PDZRN3: variants seen among roughly 807,000 people sequenced by gnomAD.
PDZRN3 encodes the protein E3 ubiquitin-protein ligase PDZRN3.
PDZRN3 carries 38 observed loss-of-function variants against 85.7 expected under a neutral mutation model. The ratio of observed to expected loss-of-function variants is 0.44; its 90% CI spans 0.34 to 0.58. The LOEUF (loss-of-function observed/expected upper bound fraction) is 0.58, where lower values mean the gene tolerates loss of function less well. Among genes scored for constraint, PDZRN3 ranks in the 20% least tolerant of loss-of-function variants. The probability of loss-of-function intolerance (pLI) is 0.01; values close to 1 mark genes in which losing one functional copy is unlikely to be tolerated. For missense variants in PDZRN3, 1,629 were observed against 1,506.4 expected (o/e 1.08, Z -1.35); for synonymous variants, 759 against 638.0 (o/e 1.19, Z -2.86).
At chr3:73,534,577 T>C (rs1435257079) in intron 3 of PDZRN3, among the ~76,000 whole-genome samples, 2 of 152,220 alleles carry the variant, frequency 1.3e-5, no homozygotes, top group African/African-American at 2.4e-5. Flanking sequence ...TGGGAACTAA[T>C]GACCAGATCT....
intron 3 of PDZRN3, among the ~76,000 whole-genome samples, chr3:73,410,976 G>C (rs11128336): frequency 0.59 from 89,734 of 152,102 alleles, 27,185 homozygotes; most frequent in East Asian, 0.86. Context: ...CCAATGGCAA[G>C]TACTTGGCAA....
chr3:73,410,093 C>CTAAT (rs1159203345), intron 3 of PDZRN3, among the ~76,000 whole-genome samples: 2 of 152,072 alleles, frequency 1.3e-5, no homozygotes, highest in African/African-American at 2.4e-5. Context: ...TGTTTTCAAA[C>CTAAT]TAATTAAAAC....
rs115399102 is a variant in PDZRN3 at position 73,442,458 on chromosome 3, C to T, written c.919-38063G>A. ...GATTCAGAACTGGCGCTACAGGGCA[C>T]GTGAACGTGACACCAATTGTGTTAT... On this transcript the variant is annotated intron_variant, in intron 3 of 9. Coordinates refer to ENST00000263666, the MANE Select transcript of PDZRN3 (RefSeq NM_015009.3). Among the ~76,000 whole-genome samples, 680 of 152,198 alleles carry T rather than the reference C, an allele frequency of 4.5e-3. 7 individuals are homozygous for T. Among genetic ancestry groups the T allele is most frequent in the African/African-American group, 0.016 (654 of 41,534 alleles).
At position 73,384,107 on chromosome 3, in the gene PDZRN3, G is replaced by A; in HGVS notation, c.2459C>T (p.Pro820Leu). 1.2e-6 allele frequency: 2 copies of A among 1,613,996 alleles called. No homozygotes were observed. The highest frequency in any genetic ancestry group is 1.3e-5 in the African/African-American group (1 of 75,040). ...CTCCTTCAGGGACGGGCTATAGGTA[G>A]GGGTGCCCACTTCGGGATCTTCCGT... is the stretch of plus-strand genomic sequence containing the variant. The part of the protein sequence containing the change: ...SITEDPEVGT[P>L]TYSPSLKELD... Residue 820 changes from proline to leucine, a missense_variant, in exon 10 of 10, where the codon CCT (proline) becomes CTT (leucine). Transcript: ENST00000263666.
chr3:73,415,614 A>G (rs1356028304), intron 3 of PDZRN3, among the ~76,000 whole-genome samples: 1 of 152,164 alleles, frequency 6.6e-6, no homozygotes. Context: ...TATTTTTCAC[A>G]TTCAGTACAG....
chr3:73,449,385 A>G (rs535547583), intron 3 of PDZRN3, among the ~76,000 whole-genome samples: 1 of 151,742 alleles, frequency 6.6e-6, no homozygotes, highest in African/African-American at 2.4e-5. Context: ...AAAGAGAGAG[A>G]GGGAAATAAA....
At chr3:73,590,048 C>G (rs953157081) in intron 3 of PDZRN3, among the ~76,000 whole-genome samples, 1 of 151,990 alleles carries the variant, frequency 6.6e-6, no homozygotes, top group Non-Finnish European at 1.5e-5. Context: ...GCAGGTGGAT[C>G]ACTTGAGGTC....
chr3:73,608,669 T>C lies in PDZRN3; in HGVS notation c.739A>G (p.Ser247Gly). The C allele has an allele frequency of 1.2e-6, 2 of 1,610,536 alleles. No individual in the cohort carries two copies. The highest frequency in any genetic ancestry group is 1.7e-6 in the Non-Finnish European group (2 of 1,177,798). The change falls in exon 2 of 10, where the codon AGT becomes GGT. Residue 247 changes from serine to glycine, a missense_variant. Physicochemically the swap from Ser to Gly is moderately conservative, Grantham distance 56. Transcript: ENST00000263666. ...PPGGKGEETK[S>G]LTLVLHRDSG... is the part of the protein sequence containing the mutation. ...TCCCGATGCAGGACAAGAGTCAGAC[T>C]TTTGGTTTCTTCGCCCTGCAGGTAA... is the stretch of plus-strand genomic sequence containing the variant.
chr3:73,564,933 A>G (rs1701910099), intron 3 of PDZRN3, among the ~76,000 whole-genome samples: 1 of 152,136 alleles, frequency 6.6e-6, no homozygotes, highest in Non-Finnish European at 1.5e-5. Context: ...CTGCTCTCTT[A>G]TGATTTTCAT....
intron 3 of PDZRN3, among the ~76,000 whole-genome samples, chr3:73,416,891 T>TTTTTTTTTTTTTTTTTTTTTTG (rs1702100294): frequency 7.2e-6 from 1 of 139,158 alleles, no homozygotes; most frequent in African/African-American, 2.8e-5. Flanking sequence ...TTTTTTTTTT[T>TTTTTTTTTTTTTTTTTTTTTTG]TTTTTTTTTT....
chr3:73,507,200 C>T (rs1345629770), intron 3 of PDZRN3, among the ~76,000 whole-genome samples: 1 of 151,740 alleles, frequency 6.6e-6, no homozygotes, highest in Non-Finnish European at 1.5e-5. Context: ...CGAAGTCTCG[C>T]TCTTGTCCCC....
chr3:73,583,954 T>C (rs1702237540), intron 3 of PDZRN3, among the ~76,000 whole-genome samples: 1 of 152,166 alleles, frequency 6.6e-6, no homozygotes, highest in South Asian at 2.1e-4. Context: ...AATGGCATTT[T>C]AGTTTCCTTA....
intron 3 of PDZRN3, among the ~76,000 whole-genome samples, chr3:73,572,233 T>A (rs562697200): frequency 3.4e-4 from 52 of 152,330 alleles, no homozygotes; most frequent in African/African-American, 1.2e-3. Context: ...ACCCATTTAA[T>A]GTGTGGTCAC....
intron 3 of PDZRN3, among the ~76,000 whole-genome samples, chr3:73,519,217 A>G (rs1575704927): frequency 6.6e-6 from 1 of 151,736 alleles, no homozygotes; most frequent in Non-Finnish European, 1.5e-5. Context: ...GTGGCTGTGA[A>G]GAGCAAGGAG....
intron 1 of PDZRN3, among the ~76,000 whole-genome samples, chr3:73,619,620 A>T (rs1172611888): frequency 6.6e-6 from 1 of 152,198 alleles, no homozygotes; most frequent in Non-Finnish European, 1.5e-5. Flanking sequence ...CAGAAGAGCA[A>T]GTGCAAAGGC....
At chr3:73,456,233 CTTG>C (rs1702975179) in intron 3 of PDZRN3, among the ~76,000 whole-genome samples, 1 of 151,900 alleles carries the variant, frequency 6.6e-6, no homozygotes, top group Non-Finnish European at 1.5e-5. Context: ...TGCGCTTCTC[CTTG>C]TTATCATGGT....
At chr3:73,577,310 T>G (rs904729192) in intron 3 of PDZRN3, among the ~76,000 whole-genome samples, 2 of 152,172 alleles carry the variant, frequency 1.3e-5, no homozygotes, top group African/African-American at 2.4e-5. Context: ...CATGCTCCCT[T>G]TACTCACTTA....
chr3:73,419,773 C>T (rs2106772163), intron 3 of PDZRN3, among the ~76,000 whole-genome samples: 1 of 152,286 alleles, frequency 6.6e-6, no homozygotes, highest in Middle Eastern at 3.4e-3. Flanking sequence ...GTCTTAATTG[C>T]TATCGCAGGC....
At chr3:73,423,454 TTTA>T (rs1278266640) in intron 3 of PDZRN3, among the ~76,000 whole-genome samples, 2 of 152,232 alleles carry the variant, frequency 1.3e-5, no homozygotes, top group African/African-American at 4.8e-5. Context: ...TTTTCACTGG[TTTA>T]GTGCTGTGAA....
Sources: allele counts gnomAD v4.1 joint callset (sites outside exome capture counted in the v4.1 genomes callset), GRCh38; gene constraint gnomAD v4.1.1; transcripts MANE v1.5; gene names NCBI Gene and HGNC (gene_info 2026-07-23, HGNC 2026-07-21).